Variants in VPS51 observed in about 807,000 individuals in gnomAD.
VPS51 encodes the protein vacuolar protein sorting-associated protein 51 homolog.
In VPS51, 55 loss-of-function variants were observed where a neutral mutation model predicts 65.1. The ratio of observed to expected loss-of-function variants is 0.84; its 90% CI spans 0.68 to 1.06. VPS51 has a LOEUF of 1.06. Among genes scored for constraint, VPS51 ranks in the 50% least tolerant of loss-of-function variants. The pLI is 0.00. For missense variants in VPS51, 943 were observed against 1,101.6 expected, an observed-to-expected ratio of 0.86 and a Z score of 2.04; for synonymous variants, 473 against 489.5, an observed-to-expected ratio of 0.97 and a Z score of 0.44.
intron 7 of VPS51, 93 bp downstream of exon 7, chr11:65,110,016 C>T (rs1242521538): frequency 2.3e-5 from 31 of 1,333,132 alleles, no homozygotes; most frequent in Admixed American, 4.2e-5. Flanking sequence ...ACTGGCAGTC[C>T]CTGCCTGGAG....
At position 65,109,789 on chromosome 11, in the gene VPS51, G is replaced by C; in HGVS notation, c.1744G>C (p.Val582Leu). Residue 582 changes from valine (V) to leucine (L), a missense_variant, in exon 7 of 10, where the codon GTG becomes CTG. Coordinates refer to ENST00000279281, the MANE Select transcript of VPS51 (RefSeq NM_013265.4). ...ARRLLTHYVK[V>L]QGLVISQMLR... The stretch of plus-strand genomic sequence containing the variant: ...GCGGCTGCTGACCCACTACGTGAAG[G>C]TGCAGGGCCTGGTCATATCACAGAT... The C allele has an allele frequency of 6.2e-7, 1 of 1,607,334 alleles. No individual in the cohort carries two copies. The highest frequency in any genetic ancestry group is 8.5e-7 in the Non-Finnish European group (1 of 1,177,744).
intron 2 of VPS51, among the ~76,000 whole-genome samples, chr11:65,101,791 AGAAAATTAAC>A: frequency 6.8e-6 from 1 of 146,702 alleles, no homozygotes; most frequent in East Asian, 2.0e-4. Context: ...AAAAAAAAAA[AGAAAATTAAC>A]AGACATACAG....
chr11:65,107,536 C>G lies in VPS51; in HGVS notation c.359-45C>G. 6.5e-7 allele frequency: 1 copy of G among 1,547,016 alleles called. No individual in the cohort carries two copies. Among genetic ancestry groups the G allele is most frequent in the Non-Finnish European group, 8.8e-7 (1 of 1,140,324 alleles). ...AGAAGGAGCTGAGGTTGCGCCCGCCCTGCAGTCACCTGCTCTCCCCTTTTC... is the reference window on the plus strand; with the variant it reads ...AGAAGGAGCTGAGGTTGCGCCCGCCGTGCAGTCACCTGCTCTCCCCTTTTC... On this transcript the variant is annotated intron_variant, in intron 2 of 9. Transcript: ENST00000279281. This position sits in a 1 kb window ranked among gnomAD's most constrained non-coding sequence, Gnocchi z 4.0.
At chr11:65,100,607 TG>T (rs1237359146) in intron 2 of VPS51, among the ~76,000 whole-genome samples, 2 of 146,600 alleles carry the variant, frequency 1.4e-5, no homozygotes, top group African/African-American at 5.0e-5. Context: ...CTTGGCTCAC[TG>T]TAACCTCCGC....
rs1255945283 is a variant in VPS51 at position 65,108,287 on chromosome 11, C to T, written c.816C>T (p.Phe272=). Residue 272 remains phenylalanine (F), a synonymous_variant, in exon 5 of 10, where the codon TTC becomes TTT. Transcript: ENST00000279281. ...CTGCGGAGGAGCTGTGCGAGGAGTT[C>T]CTGGCGCACGCCCGCGGCCGGCTGG... ...GEPAEELCEE[F]LAHARGRLEK... 3.1e-6 allele frequency: 5 copies of T among 1,602,340 alleles called. No homozygotes were observed. Among genetic ancestry groups the T allele is most frequent in the Non-Finnish European group, 3.4e-6 (4 of 1,175,396 alleles).
chr11:65,107,207 A>G lies in VPS51; in HGVS notation c.359-374A>G, dbSNP rs1947847984. 2.1e-6 allele frequency: 1 copy of G among 487,638 alleles called. No individual in the cohort carries two copies. Among genetic ancestry groups the G allele is most frequent in the Non-Finnish European group, 4.0e-6 (1 of 248,596 alleles). The allele number at this position is 487,638 out of a possible 1,614,324, so 30.2% of individuals were successfully genotyped here. Reference sequence around the variant, plus strand: ...TCCAGGCAGTGCGCTGGACACGCAGATGCGCTTGGGAGCCAGCGGTCCCTG... The same window carrying G: ...TCCAGGCAGTGCGCTGGACACGCAGGTGCGCTTGGGAGCCAGCGGTCCCTG... On this transcript the variant is annotated intron_variant, in intron 2 of 9. Transcript: ENST00000279281. This position sits in a 1 kb window ranked among gnomAD's most constrained non-coding sequence, Gnocchi z 4.0.
intron 9 of VPS51, 169 bp from the exon 10 acceptor site, chr11:65,111,158 C>G (rs901801022): frequency 5.1e-5 from 53 of 1,042,404 alleles, no homozygotes; most frequent in Non-Finnish European, 7.5e-5. Flanking sequence ...CCCTGCCCTC[C>G]AGATGACGGC....
rs747556945 is a variant in VPS51, at chr11:65,108,895, C to G, written c.1424C>G (p.Ser475Cys). The change falls in exon 5 of 10, where the codon TCC (serine) becomes TGC (cysteine). Residue 475 changes from serine to cysteine, a missense_variant. Ser to Cys is a moderately radical substitution (Grantham distance 112, BLOSUM62 -1). Transcript: ENST00000279281. ...TTCACCGCCAAAGAGGTGTCCTTCT[C>G]CAACAAGCCCTACTTCCGGGTACGC... is the stretch of plus-strand genomic sequence containing the variant. Reference protein sequence around the residue: ...HLFTAKEVSFSNKPYFRGEFC... With the variant: ...HLFTAKEVSFCNKPYFRGEFC... 6.2e-7 allele frequency: 1 copy of G among 1,613,032 alleles called. No homozygotes were observed. Among genetic ancestry groups the G allele is most frequent in the Non-Finnish European group, 8.5e-7 (1 of 1,180,012 alleles).
At chr11:65,106,777 A>G (rs1216225106) in intron 2 of VPS51, among the ~76,000 whole-genome samples, 4 of 151,306 alleles carry the variant, frequency 2.6e-5, no homozygotes, top group Non-Finnish European at 5.9e-5. Context: ...AATAGGTGGA[A>G]TTGAATTGAG....
Position 65,108,015 on chromosome 11 carries a change from C to T in VPS51, c.718C>T (p.Arg240Cys), listed in dbSNP as rs901085207. ...CCGCCTGGCCCAGCAGCTGCGGCAG[C>T]GCTTTAGGTGTGGCCCCTCTGCCCT... ...TARLAQQLRQ[R>C]FREGGSGAPE... The change falls in exon 4 of 10, where the codon CGC (arginine) becomes TGC (cysteine). Residue 240 changes from arginine to cysteine, a missense_variant. Around this residue, in one of 2 missense-constraint regions of VPS51, gnomAD observed 855 missense variants for 953.7 expected, o/e 0.90. Transcript: ENST00000279281. The T allele has an allele frequency of 7.9e-6, 12 of 1,524,914 alleles. No individual in the cohort carries two copies. The African/African-American group carries it at 1.5e-4, about 19-fold the overall frequency. 94.5% of individuals were successfully genotyped at this position (1,524,914 alleles called of 1,614,324 possible). A position where few individuals can be genotyped will look rare whatever the true frequency, so the allele number is the denominator to read the frequency against.
At chr11:65,100,601 G>A (rs1263821248) in intron 2 of VPS51, among the ~76,000 whole-genome samples, 1 of 145,302 alleles carries the variant, frequency 6.9e-6, no homozygotes, top group Admixed American at 7.2e-5. Context: ...TGCCATCTTG[G>A]CTCACTGTAA....
Position 65,107,557 on chromosome 11 carries a change from T to C in VPS51, c.359-24T>C, listed in dbSNP as rs899230273. The C allele has an allele frequency of 6.4e-7, 1 of 1,560,560 alleles. No homozygotes were observed. On this transcript the variant is annotated intron_variant, in intron 2 of 9. Coordinates refer to ENST00000279281, the MANE Select transcript of VPS51 (RefSeq NM_013265.4). The surrounding 1 kb of genome is among the most constrained non-coding windows in gnomAD (Gnocchi z 4.0). Reference sequence around the variant, plus strand: ...CGCCCTGCAGTCACCTGCTCTCCCCTTTTCCCCGCCCCTGCCCTCCTAGAC... The same window carrying C: ...CGCCCTGCAGTCACCTGCTCTCCCCCTTTCCCCGCCCCTGCCCTCCTAGAC...
intron 2 of VPS51, among the ~76,000 whole-genome samples, chr11:65,097,586 C>T (rs537939671): frequency 6.6e-6 from 1 of 152,280 alleles, no homozygotes; most frequent in East Asian, 1.9e-4. Flanking sequence ...CATGGTGGCT[C>T]ATGCCTGTAA....
intron 9 of VPS51, 41 bp from the exon 10 acceptor site, chr11:65,111,286 C>A (rs745379257): frequency 6.3e-7 from 1 of 1,598,800 alleles, no homozygotes; most frequent in South Asian, 1.1e-5. Flanking sequence ...CCCACACACA[C>A]CTGCAGTCCC....
In VPS51 at chr11:65,108,843, A is replaced by G; in HGVS notation, c.1372A>G (p.Lys458Glu). 1 of 1,612,960 alleles carries G rather than the reference A, an allele frequency of 6.2e-7. No homozygotes were observed. The highest frequency in any genetic ancestry group is 8.5e-7 in the Non-Finnish European group (1 of 1,179,998). Residue 458 changes from lysine (K) to glutamate (E), a missense_variant, in exon 5 of 10, where the codon AAG (lysine) becomes GAG (glutamate). This residue lies in a region of VPS51 where 855 missense variants were observed against 953.7 expected (regional missense o/e 0.90). Coordinates refer to ENST00000279281, the MANE Select transcript of VPS51 (RefSeq NM_013265.4). ...NVASSILSHIKASLAAVHLFT... is the reference protein window; with the variant it reads ...NVASSILSHIEASLAAVHLFT... ...GGCCAGCTCCATCCTGAGCCACATT[A>G]AGGCCTCTCTGGCAGCAGTGCACCT...
chr11:65,102,508 G>A (rs1947816081), intron 2 of VPS51, among the ~76,000 whole-genome samples: 1 of 152,180 alleles, frequency 6.6e-6, no homozygotes, highest in Admixed American at 6.6e-5. Flanking sequence ...ACAACTTAGT[G>A]TTTGGATTTT....
At chr11:65,104,101 G>A (rs572488486) in intron 2 of VPS51, among the ~76,000 whole-genome samples, 2 of 152,114 alleles carry the variant, frequency 1.3e-5, no homozygotes, top group South Asian at 2.1e-4. Context: ...ACTACTTTTT[G>A]TATTTTTACT....
chr11:65,098,609 T>TG (rs1244092284), intron 2 of VPS51, among the ~76,000 whole-genome samples: 1 of 152,228 alleles, frequency 6.6e-6, no homozygotes, highest in East Asian at 1.9e-4. Flanking sequence ...CTTACTCTCG[T>TG]GTCACAGTGG....
chr11:65,110,486 G>T lies in VPS51; in HGVS notation c.1883G>T (p.Gly628Val). Residue 628 changes from glycine (G) to valine (V), a missense_variant, in exon 8 of 10, where the codon GGG becomes GTG. This residue lies in a region of VPS51 where 855 missense variants were observed against 953.7 expected (regional missense o/e 0.90). Coordinates refer to ENST00000279281, the MANE Select transcript of VPS51 (RefSeq NM_013265.4). ...EDTTAIDVQV[G>V]LLYEEGVRKA... ...AGTACCTCTTTTTACCACCAGGTGGGGCTCCTGTACGAAGAGGGTGTTCGC... is the reference window on the plus strand; with the variant it reads ...AGTACCTCTTTTTACCACCAGGTGGTGCTCCTGTACGAAGAGGGTGTTCGC... 1 of 1,613,876 alleles carries T rather than the reference G, an allele frequency of 6.2e-7. No individual in the cohort carries two copies. The highest frequency in any genetic ancestry group is 8.5e-7 in the Non-Finnish European group (1 of 1,179,998).
Sources: allele counts gnomAD v4.1 joint callset (sites outside exome capture counted in the v4.1 genomes callset), GRCh38; gene constraint gnomAD v4.1.1; regional missense constraint gnomAD v4.1.1; non-coding constraint Gnocchi (gnomAD v3.1); transcripts MANE v1.5; gene names NCBI Gene and HGNC (gene_info 2026-07-23, HGNC 2026-07-21).